Variants in PEAK1 observed in about 807,000 individuals in gnomAD.
The protein encoded by PEAK1 is inactive tyrosine-protein kinase PEAK1.
PEAK1 carries 54 observed loss-of-function variants against 124.7 expected under a neutral mutation model. The ratio of observed to expected loss-of-function variants is 0.43; its 90% confidence interval spans 0.35 to 0.54. The LOEUF (loss-of-function observed/expected upper bound fraction) is 0.54, where lower values mean the gene tolerates loss of function less well. Ranked by LOEUF, PEAK1 falls within the 20% of genes least tolerant of loss-of-function variation. The pLI is 0.01. For missense variants in PEAK1, 2,046 were observed against 2,134.5 expected (o/e 0.96, Z 0.82); for synonymous variants, 719 against 760.0 (o/e 0.95, Z 0.89).
chr15:77,166,568 G>A (rs1051276977), intron 7 of PEAK1, among the ~76,000 whole-genome samples: 1 of 152,216 alleles, frequency 6.6e-6, no homozygotes, highest in Admixed American at 6.5e-5. Flanking sequence ...TGTGCCCCGG[G>A]GGGGAATCCC....
chr15:77,104,635 G>C (rs2050728584), downstream of PEAK1: 1 of 152,254 alleles, frequency 6.6e-6, no homozygotes, highest in Admixed American at 6.5e-5. Flanking sequence ...CTCAGCAATT[G>C]GATTTTTCTT....
At chr15:77,298,364 G>A (rs1159855526) in intron 2 of PEAK1, among the ~76,000 whole-genome samples, 36 of 150,622 alleles carry the variant, frequency 2.4e-4, no homozygotes, top group Admixed American at 6.6e-4. Context: ...GACTACAGGC[G>A]CCCGCCACCA....
chr15:77,289,061 T>C (rs1446677355), intron 2 of PEAK1, among the ~76,000 whole-genome samples: 1 of 152,156 alleles, frequency 6.6e-6, no homozygotes, highest in Non-Finnish European at 1.5e-5. Context: ...CAAATACAGC[T>C]ATCCCTATAA....
chr15:77,226,796 C>T (rs1014009777), intron 6 of PEAK1, among the ~76,000 whole-genome samples: 4 of 152,150 alleles, frequency 2.6e-5, no homozygotes, highest in Admixed American at 6.6e-5. Flanking sequence ...TTTTTATCTA[C>T]TGTTTCCTTT....
At chr15:77,322,190 T>C (rs1480005949) in intron 2 of PEAK1, among the ~76,000 whole-genome samples, 2 of 151,996 alleles carry the variant, frequency 1.3e-5, no homozygotes, top group East Asian at 1.9e-4. Context: ...AGATCTAAAA[T>C]TGACACTCTA....
chr15:77,167,666 C>T (rs577464492), intron 7 of PEAK1, among the ~76,000 whole-genome samples: 1 of 152,242 alleles, frequency 6.6e-6, no homozygotes, highest in East Asian at 1.9e-4. Flanking sequence ...ATCTTGGGGC[C>T]AGTTTCGTCC....
chr15:77,240,369 A>G (rs1125617), intron 6 of PEAK1, among the ~76,000 whole-genome samples: 99,589 of 151,898 alleles, frequency 0.66, 33,605 homozygotes, highest in Non-Finnish European at 0.75. Context: ...CCTGTAATCC[A>G]AGCCCTGTGG....
At chr15:77,215,344 T>C (rs1567124929) in intron 6 of PEAK1, among the ~76,000 whole-genome samples, 1 of 152,234 alleles carries the variant, frequency 6.6e-6, no homozygotes, top group Non-Finnish European at 1.5e-5. Context: ...GCCTTTTTAA[T>C]TGTCTTTCGA....
chr15:77,312,363 C>A (rs2064527736), intron 2 of PEAK1, among the ~76,000 whole-genome samples: 1 of 152,124 alleles, frequency 6.6e-6, no homozygotes, highest in Admixed American at 6.5e-5. Context: ...GAGTACGGAG[C>A]CAATACTGAC....
intron 2 of PEAK1, among the ~76,000 whole-genome samples, chr15:77,292,183 A>C (rs114170689): frequency 3.3e-5 from 5 of 152,284 alleles, no homozygotes; most frequent in African/African-American, 9.6e-5. Context: ...GTGAACACTG[A>C]ACCACTGCTT....
intron 6 of PEAK1, among the ~76,000 whole-genome samples, chr15:77,199,671 G>A (rs1045464764): frequency 2.0e-5 from 3 of 152,190 alleles, no homozygotes; most frequent in Non-Finnish European, 4.4e-5. Context: ...AAATAGTGTA[G>A]GGTGTGTGTG....
At chr15:77,153,224 G>GT (rs2054815076) in intron 8 of PEAK1, among the ~76,000 whole-genome samples, 2 of 152,200 alleles carry the variant, frequency 1.3e-5, no homozygotes, top group Admixed American at 1.3e-4. Flanking sequence ...TTGGATGGGT[G>GT]TATGTGTCGA....
At chr15:77,152,497 T>C (rs1179375473) in intron 8 of PEAK1, among the ~76,000 whole-genome samples, 2 of 152,182 alleles carry the variant, frequency 1.3e-5, no homozygotes, top group South Asian at 2.1e-4. Flanking sequence ...TCCTCCCTGA[T>C]TGCCCTGGCC....
rs116842456 is a variant in PEAK1, at chr15:77,230,651, A to C, written c.-115+21716T>G. On this transcript the variant is annotated intron_variant, in intron 6 of 9. Transcript: ENST00000682557. ...AGTGGCTCATACCTGTAATCCCACC[A>C]ATTTGGAAAGCAAGGTGGGATGACT... 6.4e-3 allele frequency among the ~76,000 whole-genome samples: 967 copies of C among 152,226 alleles called. 8 individuals carry two copies. Among genetic ancestry groups the C allele is most frequent in the Non-Finnish European group, 8.7e-3 (594 of 68,004 alleles).
intron 1 of PEAK1, among the ~76,000 whole-genome samples, chr15:77,384,254 T>G (rs2069730418): frequency 6.6e-6 from 1 of 151,882 alleles, no homozygotes; most frequent in Non-Finnish European, 1.5e-5. Flanking sequence ...CCTTCCCTGC[T>G]GCCAGCCACC....
rs536277275 is a variant in PEAK1 at position 77,311,701 on chromosome 15, A to G, written c.-602-25197T>C. ...CAACCCCCACAAAAAAAAAAAAAAA[A>G]AAAAAGAAAAAGAAAACTAAAGGCA... is the stretch of plus-strand genomic sequence containing the variant. On this transcript the variant is annotated intron_variant, in intron 2 of 9. Coordinates refer to ENST00000682557, the MANE Select transcript of PEAK1 (RefSeq NM_001385026.1). Among the ~76,000 whole-genome samples, 1,098 of 150,892 alleles carry G rather than the reference A, an allele frequency of 7.3e-3. 15 individuals carry two copies. Among genetic ancestry groups the G allele is most frequent in the African/African-American group, 0.025 (1,024 of 40,794 alleles).
intron 9 of PEAK1, among the ~76,000 whole-genome samples, chr15:77,116,945 A>AAT (rs1236313950): frequency 6.6e-6 from 1 of 152,200 alleles, no homozygotes; most frequent in African/African-American, 2.4e-5. Context: ...TATGCAGTAT[A>AAT]ATATATAATC....
chr15:77,144,655 C>T (rs571368740), intron 8 of PEAK1, among the ~76,000 whole-genome samples: 3 of 152,184 alleles, frequency 2.0e-5, no homozygotes, highest in South Asian at 2.1e-4. Flanking sequence ...TAGCAGGATA[C>T]GATCTCCTGG....
downstream of PEAK1, chr15:77,105,412 C>T (rs2050741078): frequency 6.6e-6 from 1 of 151,994 alleles, no homozygotes; most frequent in African/African-American, 2.4e-5. Context: ...TCAAGGAAGT[C>T]AGTTTGTGTC....
Sources: gnomAD v4.1 joint callset for allele counts (sites outside exome capture counted in the v4.1 genomes callset) on GRCh38, gnomAD v4.1.1 for gene constraint, MANE v1.5 for transcripts, NCBI Gene and HGNC (gene_info 2026-07-23, HGNC 2026-07-21) for gene names.